Variants in MN1 observed in about 807,000 individuals in gnomAD.
MN1 encodes the protein transcriptional activator MN1.
In MN1, 19 loss-of-function variants were observed where a neutral mutation model predicts 86.9. The ratio of observed to expected loss-of-function variants is 0.22; its 90% CI spans 0.15 to 0.32. The LOEUF is 0.32. Among genes scored for constraint, MN1 ranks in the 10% least tolerant of loss-of-function variants. The pLI is 1.00. For synonymous variants in MN1, 928 were observed against 849.6 expected, an observed-to-expected ratio of 1.09 and a Z score of -1.60; for missense variants, 1,841 against 1,862.0, an observed-to-expected ratio of 0.99 and a Z score of 0.21.
intron 1 of MN1, among the ~76,000 whole-genome samples, chr22:27,795,023 G>A (rs1323302415): frequency 1.4e-5 from 2 of 144,510 alleles, no homozygotes; most frequent in Admixed American, 7.0e-5. Flanking sequence ...AAAGGGGTGG[G>A]GGGAGCAAGC....
At chr22:27,773,120 C>T (rs1437331303) in intron 1 of MN1, among the ~76,000 whole-genome samples, 5 of 151,786 alleles carry the variant, frequency 3.3e-5, no homozygotes, top group Non-Finnish European at 7.4e-5. Flanking sequence ...CTACCCAGCC[C>T]CCGAGGAGCC....
chr22:27,780,249 C>T (rs1933034290), intron 1 of MN1, among the ~76,000 whole-genome samples: 2 of 152,142 alleles, frequency 1.3e-5, no homozygotes, highest in Admixed American at 1.3e-4. Flanking sequence ...AACTGCTAAT[C>T]TGACCGTGCC....
At position 27,797,109 on chromosome 22, in the gene MN1, C is replaced by T. The variant is rs45471598; in HGVS notation, c.3435G>A (p.Pro1145=). 8.8e-3 allele frequency: 14,094 copies of T among 1,595,580 alleles called. 1,071 individuals carry two copies. The African/African-American group carries it at 0.17, about 19-fold the overall frequency. The change falls in exon 1 of 2, where the codon CCG becomes CCA. Residue 1145 remains proline, a synonymous_variant. Coordinates refer to ENST00000302326, the MANE Select transcript of MN1 (RefSeq NM_002430.3). The part of the protein sequence containing the change: ...VRTPTSSSGA[P]PPDEIHPLEI... The stretch of plus-strand genomic sequence containing the variant: ...CCAGGGGGTGGATCTCGTCGGGTGG[C>T]GGGGCGCCGCTGCTGCTCGTCGGGG...
intron 1 of MN1, among the ~76,000 whole-genome samples, chr22:27,766,919 C>T (rs1388921903): frequency 3.9e-5 from 6 of 152,336 alleles, no homozygotes; most frequent in African/African-American, 1.2e-4. Context: ...TGGACCACCA[C>T]TTTCCTTTCT....
intron 1 of MN1, among the ~76,000 whole-genome samples, chr22:27,769,552 A>ATTTTTTTTTTT (rs58248602): frequency 0.17 from 14,105 of 82,260 alleles, 3,410 homozygotes; most frequent in East Asian, 0.21. Flanking sequence ...AAGGATGCCA[A>ATTTTTTTTTTT]TTTTTTTTTT....
chr22:27,757,019 C>T (rs931396477), intron 1 of MN1, among the ~76,000 whole-genome samples: 2 of 152,166 alleles, frequency 1.3e-5, no homozygotes, highest in Non-Finnish European at 2.9e-5. Flanking sequence ...TCTCAGCCTC[C>T]CAAAGTGCTG....
intron 1 of MN1, among the ~76,000 whole-genome samples, chr22:27,761,386 T>TTC (rs1282427456): frequency 6.6e-6 from 1 of 150,468 alleles, no homozygotes; most frequent in African/African-American, 2.4e-5. Flanking sequence ...TTCTTCTTAT[T>TTC]TCTCTCTCTC....
Position 27,797,965 on chromosome 22 carries a change from A to T in MN1, c.2579T>A (p.Leu860Gln). Residue 860 changes from leucine to glutamine, a missense_variant, in exon 1 of 2, where the codon CTG becomes CAG. Leu to Gln is a moderately radical substitution (Grantham distance 113, BLOSUM62 -2). Transcript: ENST00000302326. ...CGCGCCGTCGGTCTCGTTCTGGCTC[A>T]GTTTCCTCTTGCCCTCTGGCGGGTT... The part of the protein sequence containing the change: ...KKNPPEGKRK[L>Q]SQNETDGAAV... The T allele has an allele frequency of 6.3e-7, 1 of 1,594,214 alleles. No individual in the cohort carries two copies.
chr22:27,796,629 C>T, intron 1 of MN1, 134 bp downstream of exon 1: 1 of 879,000 alleles, frequency 1.1e-6, no homozygotes, highest in Non-Finnish European at 1.7e-6. Context: ...GGTGGGATAA[C>T]CAGCTCCTAG....
At chr22:27,776,305 G>A (rs958837167) in intron 1 of MN1, among the ~76,000 whole-genome samples, 1 of 152,178 alleles carries the variant, frequency 6.6e-6, no homozygotes, top group African/African-American at 2.4e-5. Context: ...AGGACGCGCT[G>A]TAGTTAAAGC....
intron 1 of MN1, among the ~76,000 whole-genome samples, chr22:27,770,504 G>T (rs1056009570): frequency 6.6e-6 from 1 of 152,184 alleles, no homozygotes; most frequent in Non-Finnish European, 1.5e-5. Context: ...CTTTGGACAA[G>T]GCACTTTCCC....
At chr22:27,780,194 C>G (rs1434929324) in intron 1 of MN1, among the ~76,000 whole-genome samples, 2 of 152,198 alleles carry the variant, frequency 1.3e-5, no homozygotes, top group African/African-American at 4.8e-5. Flanking sequence ...TGTCTGTGCT[C>G]CACACCCTCC....
At chr22:27,752,158 C>T (rs183321329) in intron 1 of MN1, among the ~76,000 whole-genome samples, 1 of 152,282 alleles carries the variant, frequency 6.6e-6, no homozygotes, top group Non-Finnish European at 1.5e-5. Flanking sequence ...CCAGTTGTAG[C>T]TCCGCAAAGG....
intron 1 of MN1, among the ~76,000 whole-genome samples, chr22:27,765,517 G>A (rs1932863020): frequency 6.6e-6 from 1 of 152,228 alleles, no homozygotes; most frequent in South Asian, 2.1e-4. Flanking sequence ...CTCGAGCGGG[G>A]GCTCCCAGCA....
chr22:27,794,387 T>C (rs1381050180), intron 1 of MN1, among the ~76,000 whole-genome samples: 1 of 152,230 alleles, frequency 6.6e-6, no homozygotes, highest in Non-Finnish European at 1.5e-5. Flanking sequence ...TCGAGGAAAC[T>C]GTCCTTCCCA....
rs781190591 is a variant in MN1, at chr22:27,797,832, C to G, written c.2712G>C (p.Ser904=). The part of the protein sequence containing the change: ...SGTSSSGSKA[S]GPPNPPAQGD... Reference sequence around the variant, plus strand: ...CCTGGGCTGGAGGGTTGGGCGGCCCCGAGGCTTTGGAGCCGCTGCTACTGG... The same window carrying G: ...CCTGGGCTGGAGGGTTGGGCGGCCCGGAGGCTTTGGAGCCGCTGCTACTGG... Residue 904 remains serine, a synonymous_variant, in exon 1 of 2, where the codon TCG becomes TCC. Coordinates refer to ENST00000302326, the MANE Select transcript of MN1 (RefSeq NM_002430.3). The G allele has an allele frequency of 1.9e-6, 3 of 1,578,270 alleles. No individual in the cohort carries two copies. Among genetic ancestry groups the G allele is most frequent in the South Asian group, 2.3e-5 (2 of 86,718 alleles).
At chr22:27,795,724 C>T (rs6005624) in intron 1 of MN1, among the ~76,000 whole-genome samples, 13,865 of 143,364 alleles carry the variant, frequency 0.097, 743 homozygotes, top group African/African-American at 0.19. Flanking sequence ...TATATATATA[C>T]ACACACACAC....
At chr22:27,791,271 C>T (rs992160354) in intron 1 of MN1, among the ~76,000 whole-genome samples, 4 of 151,924 alleles carry the variant, frequency 2.6e-5, no homozygotes, top group Non-Finnish European at 4.4e-5. Flanking sequence ...TGTGAGAAGG[C>T]GAGGAGGCTT....
chr22:27,798,924 T>TTGCTGCTGCTGC lies in MN1; in HGVS notation c.1608_1619dup (p.Gln547_Gln550dup), dbSNP rs750337114. The TTGCTGCTGCTGC allele has an allele frequency of 7.2e-6, 11 of 1,519,866 alleles. No individual in the cohort carries two copies. The South Asian group carries it at 1.2e-4, about 16-fold the overall frequency. 94.1% of individuals were successfully genotyped at this position (1,519,866 alleles called of 1,614,324 possible). ...GCTGCTGCTGCTGTTGCTGTTGCTG[T>TTGCTGCTGCTGC]TGCTGCTGCTGCTGCTGCTGTTGCT... is the stretch of plus-strand genomic sequence containing the variant. On this transcript the variant is annotated inframe_insertion, in exon 1 of 2. Transcript: ENST00000302326.
Sources: gnomAD v4.1 joint callset for allele counts (sites outside exome capture counted in the v4.1 genomes callset) on GRCh38, gnomAD v4.1.1 for gene constraint, MANE v1.5 for transcripts, NCBI Gene and HGNC (gene_info 2026-07-23, HGNC 2026-07-21) for gene names.